ASAP3: variants seen among roughly 807,000 people sequenced by gnomAD.
ASAP3 encodes ArfGAP with SH3 domain, ankyrin repeat and PH domain 3.
ASAP3 carries 85 observed loss-of-function variants against 118.2 expected under a neutral mutation model. The observed-to-expected ratio is 0.72, with a 90% confidence interval of 0.60 to 0.86. ASAP3 has a LOEUF of 0.86. Ranked by LOEUF, ASAP3 falls within the 40% of genes least tolerant of loss-of-function variation. The pLI, the probability that ASAP3 is intolerant of heterozygous loss-of-function variation, is 0.00. For missense variants in ASAP3, 1,026 were observed against 1,175.0 expected (o/e 0.87, Z 1.85); for synonymous variants, 432 against 477.4 (o/e 0.90, Z 1.24).
At chr1:23,468,615 G>A (rs1641852514) in intron 1 of ASAP3, among the ~76,000 whole-genome samples, 1 of 152,108 alleles carries the variant, frequency 6.6e-6, no homozygotes, top group Non-Finnish European at 1.5e-5. Context: ...GCTCACGCCT[G>A]TAATCCCAGC....
At chr1:23,445,493 CA>C (rs61013896) in intron 5 of ASAP3, among the ~76,000 whole-genome samples, 60 of 137,516 alleles carry the variant, frequency 4.4e-4, no homozygotes, top group East Asian at 8.5e-4. Context: ...CCTGTCTCTC[CA>C]AAAAAAAAAA....
intron 1 of ASAP3, among the ~76,000 whole-genome samples, chr1:23,474,517 C>A (rs1165880214): frequency 6.6e-6 from 1 of 152,156 alleles, no homozygotes; most frequent in African/African-American, 2.4e-5. Flanking sequence ...GTCCCCAGGG[C>A]TTGGGTCTGG....
rs748336664 is a variant in ASAP3, at chr1:23,484,046, TGGCGGCGAA to T, written c.79_87del (p.Phe27_Ala29del). The T allele has an allele frequency of 5.2e-6, 7 of 1,340,894 alleles. No individual in the cohort carries two copies. The highest frequency in any genetic ancestry group is 6.1e-5 in the East Asian group (2 of 32,584). The allele number at this position is 1,340,894 out of a possible 1,614,324, so 83.1% of individuals were successfully genotyped here. A position where few individuals can be genotyped will look rare whatever the true frequency, so the allele number is the denominator to read the frequency against. ...GCCGCCCCTCGGTACCGGGGCATCT[TGGCGGCGAA>T]GGCGGCGGCCCCAGCCGGGGAGCTG... On this transcript the variant is annotated inframe_deletion, in exon 1 of 25. Coordinates refer to ENST00000336689, the MANE Select transcript of ASAP3 (RefSeq NM_017707.4).
Position 23,433,536 on chromosome 1 carries a change from C to A in ASAP3, c.2020-4G>T, listed in dbSNP as rs754916141. The A allele has an allele frequency of 6.2e-7, 1 of 1,614,170 alleles. No homozygotes were observed. Among genetic ancestry groups the A allele is most frequent in the South Asian group, 1.1e-5 (1 of 91,074 alleles). ...TCCCCGCCTGGGCCTGCTCCAGCTG[C>A]CAAAAACAAAGGCTTGGTGGTTCAG... On this transcript the variant is annotated splice_polypyrimidine_tract_variant and splice_region_variant and intron_variant, in intron 20 of 24. Transcript: ENST00000336689.
intron 10 of ASAP3, 22 bp downstream of exon 10, chr1:23,441,080 A>G: frequency 6.2e-7 from 1 of 1,607,206 alleles, no homozygotes; most frequent in Non-Finnish European, 8.5e-7. Flanking sequence ...TGGGCAAATT[A>G]TGTAAGCTCT....
At chr1:23,448,465 A>C (rs893831130) in intron 5 of ASAP3, among the ~76,000 whole-genome samples, 1 of 152,028 alleles carries the variant, frequency 6.6e-6, no homozygotes, top group Non-Finnish European at 1.5e-5. Context: ...TATTATTATT[A>C]TTCTTTTTTA....
At chr1:23,440,507 A>G (rs1393793102) in intron 10 of ASAP3, among the ~76,000 whole-genome samples, 1 of 143,386 alleles carries the variant, frequency 7.0e-6, no homozygotes, top group Non-Finnish European at 1.5e-5. Flanking sequence ...TCTCAAAAAA[A>G]AAAAAAAAAA....
chr1:23,453,801 G>A (rs1485699815), intron 3 of ASAP3, among the ~76,000 whole-genome samples: 1 of 152,112 alleles, frequency 6.6e-6, no homozygotes, highest in Non-Finnish European at 1.5e-5. Flanking sequence ...GGGTCCTTGA[G>A]TTTGTGCCAT....
At chr1:23,467,422 G>T (rs1302984701) in intron 1 of ASAP3, among the ~76,000 whole-genome samples, 1 of 152,108 alleles carries the variant, frequency 6.6e-6, no homozygotes, top group Non-Finnish European at 1.5e-5. Flanking sequence ...TGTGGATTTG[G>T]TTCATCATTC....
intron 10 of ASAP3, among the ~76,000 whole-genome samples, chr1:23,439,760 T>C (rs1051668714): frequency 6.6e-6 from 1 of 152,212 alleles, no homozygotes; most frequent in African/African-American, 2.4e-5. Flanking sequence ...GATTGGTAGG[T>C]AGAAACATGA....
chr1:23,461,875 A>G (rs1394563269), intron 1 of ASAP3, among the ~76,000 whole-genome samples: 2 of 152,154 alleles, frequency 1.3e-5, no homozygotes, highest in African/African-American at 4.8e-5. Flanking sequence ...TAGCAGCCCC[A>G]GTCTACTTAT....
chr1:23,436,156 G>A lies in ASAP3; in HGVS notation c.1572-128C>T. 9.5e-7 allele frequency: 1 copy of A among 1,051,470 alleles called. No individual in the cohort carries two copies. Among genetic ancestry groups the A allele is most frequent in the Non-Finnish European group, 1.4e-6 (1 of 724,504 alleles). The allele number at this position is 1,051,470 out of a possible 1,614,324, so 65.1% of individuals were successfully genotyped here. ...ATGTCCTGAAGACGTCTAGATCTGA[G>A]GCTCCCCTCTCCCCAGGCTTTTTTT... On this transcript the variant is annotated intron_variant, in intron 16 of 24. Transcript: ENST00000336689. This position sits in a 1 kb window ranked among gnomAD's most constrained non-coding sequence, Gnocchi z 4.2.
At chr1:23,439,127 G>C (rs757868691) in intron 11 of ASAP3, 34 bp downstream of exon 11, 1 of 1,608,508 alleles carries the variant, frequency 6.2e-7, no homozygotes, top group Admixed American at 1.7e-5. Context: ...AGGGTCCATC[G>C]TGCCCTGAGA....
chr1:23,456,303 T>G (rs1641384939), intron 1 of ASAP3, 109 bp from the exon 2 acceptor site: 1 of 1,031,244 alleles, frequency 9.7e-7, no homozygotes, highest in African/African-American at 1.6e-5. Context: ...TCCAAACAAA[T>G]ACATTGAGTT....
At position 23,431,746 on chromosome 1, in the gene ASAP3, G is replaced by T. The variant is rs773451661; in HGVS notation, c.2496C>A (p.Ser832Arg). The change falls in exon 23 of 25, where the codon AGC (serine) becomes AGA (arginine). Residue 832 changes from serine to arginine, a missense_variant. Ser to Arg is a moderately radical substitution (Grantham distance 110). Transcript: ENST00000336689. Reference sequence around the variant, plus strand: ...CCGAAGGGGTGGTCCCGGATGTCAGGCTGGGTCTGGAGGTGCCTGGGGGCT... The same window carrying T: ...CCGAAGGGGTGGTCCCGGATGTCAGTCTGGGTCTGGAGGTGCCTGGGGGCT... ...LREPPGTSRPSLTSGTTPSEM... is the reference protein window; with the variant it reads ...LREPPGTSRPRLTSGTTPSEM... 5.3e-6 allele frequency: 8 copies of T among 1,523,804 alleles called. No homozygotes were observed. The highest frequency in any genetic ancestry group is 7.0e-6 in the Non-Finnish European group (8 of 1,141,236). The allele number at this position is 1,523,804 out of a possible 1,614,324, so 94.4% of individuals were successfully genotyped here.
At position 23,432,064 on chromosome 1, in the gene ASAP3, T is replaced by C. The variant is rs1570322265; in HGVS notation, c.2324-146A>G. ...CTCTGTCACCCAGGCTGGAGTGCAG[T>C]GGTGCAATCTCGGCTCATTGCAACC... On this transcript the variant is annotated intron_variant, in intron 22 of 24. Coordinates refer to ENST00000336689, the MANE Select transcript of ASAP3 (RefSeq NM_017707.4). 4 of 697,000 alleles carry C rather than the reference T, an allele frequency of 5.7e-6. No homozygotes were observed. In the East Asian group the frequency reaches 8.9e-5, roughly 16 times the overall value. 43.2% of individuals were successfully genotyped at this position (697,000 alleles called of 1,614,324 possible).
At chr1:23,447,399 G>A (rs953411696) in intron 5 of ASAP3, among the ~76,000 whole-genome samples, 5 of 152,084 alleles carry the variant, frequency 3.3e-5, no homozygotes, top group African/African-American at 1.2e-4. Flanking sequence ...TCATAGGTAC[G>A]TATATATAGG....
intron 1 of ASAP3, among the ~76,000 whole-genome samples, chr1:23,476,960 T>TGAGATTAGTTTCTATTCTCATA (rs1642149341): frequency 6.6e-6 from 1 of 152,088 alleles, no homozygotes; most frequent in Non-Finnish European, 1.5e-5. Flanking sequence ...GACACAACAG[T>TGAGATTAGTTTCTATTCTCATA]GAGATTAGTT....
chr1:23,434,727 C>A (rs1640574381), intron 17 of ASAP3, 109 bp from the exon 18 acceptor site: 8 of 1,066,102 alleles, frequency 7.5e-6, no homozygotes, highest in Non-Finnish European at 1.1e-5. Flanking sequence ...TAGGAAGCTG[C>A]CAGAACCCTG....
Sources: allele counts gnomAD v4.1 joint callset (sites outside exome capture counted in the v4.1 genomes callset), GRCh38; gene constraint gnomAD v4.1.1; non-coding constraint Gnocchi (gnomAD v3.1); transcripts MANE v1.5; gene names NCBI Gene and HGNC (gene_info 2026-07-23, HGNC 2026-07-21).